The following BANF2 variants were observed in gnomAD, a reference collection of about 807,000 sequenced individuals.
The protein encoded by BANF2 is BANF family member 2, also known as barrier-to-autointegration factor-like protein.
BANF2 carries 4 observed loss-of-function variants against 8.0 expected under a neutral mutation model. The ratio of observed to expected loss-of-function variants is 0.50; its 90% CI spans 0.25 to 1.14. BANF2 has a LOEUF of 1.14. BANF2 is among the 50% of genes most tolerant of loss of function. BANF2 has a pLI of 0.16. For synonymous variants in BANF2, 50 were observed against 40.6 expected (o/e 1.23, Z -0.88); for missense variants, 96 against 107.5 (o/e 0.89, Z 0.47).
chr20:17,711,231 C>T (rs1321437449), intron 1 of BANF2, among the ~76,000 whole-genome samples: 4 of 152,154 alleles, frequency 2.6e-5, no homozygotes, highest in South Asian at 4.2e-4. Context: ...AGTGTGGAGC[C>T]ACTTGCCTGC....
chr20:17,703,665 G>T (rs545122729), intron 1 of BANF2, among the ~76,000 whole-genome samples: 1 of 152,102 alleles, frequency 6.6e-6, no homozygotes, highest in Non-Finnish European at 1.5e-5. Context: ...GGACTTTTGG[G>T]CTCTCCAAGA....
At chr20:17,717,102 A>G (rs1188114787) in intron 1 of BANF2, among the ~76,000 whole-genome samples, 1 of 152,098 alleles carries the variant, frequency 6.6e-6, no homozygotes, top group African/African-American at 2.4e-5. Context: ...GGGTAGAGGT[A>G]CAGGGAGCCA....
chr20:17,714,718 A>G (rs1243125821), intron 1 of BANF2, among the ~76,000 whole-genome samples: 3 of 152,214 alleles, frequency 2.0e-5, no homozygotes, highest in South Asian at 2.1e-4. Flanking sequence ...CCTCTTTTGT[A>G]TATTACAGAA....
upstream of BANF2, among the ~76,000 whole-genome samples, chr20:17,697,419 T>C (rs1184606782): frequency 6.6e-6 from 1 of 152,152 alleles, no homozygotes; most frequent in Admixed American, 6.5e-5. Flanking sequence ...TTCCTAATGA[T>C]ACTCCAAAGG....
chr20:17,706,929 A>T lies in BANF2; in HGVS notation c.-167+6874A>T, dbSNP rs1570153. On this transcript the variant is annotated intron_variant, in intron 1 of 3. Transcript: ENST00000246090. ...AGCAGGATGGAATATACAGATCCAA[A>T]CCTCTAGAGCAGAGCTAGGGCCAGG... Among the ~76,000 whole-genome samples the T allele has an allele frequency of 8.1e-3, 1,239 of 152,284 alleles. 9 individuals are homozygous for T. The highest frequency in any genetic ancestry group is 0.011 in the Non-Finnish European group (724 of 68,016).
intron 1 of BANF2, among the ~76,000 whole-genome samples, 200 bp from the exon 2 acceptor site, chr20:17,722,516 G>A (rs939779299): frequency 7.2e-5 from 11 of 152,200 alleles, no homozygotes; most frequent in Admixed American, 5.9e-4. Context: ...AAATCCATGG[G>A]TGCTGAGGCG....
In BANF2 at chr20:17,735,682, A is replaced by G; in HGVS notation, c.144A>G (p.Gly48=). 2.5e-6 allele frequency: 4 copies of G among 1,613,978 alleles called. No individual in the cohort carries two copies. The highest frequency in any genetic ancestry group is 3.4e-6 in the Non-Finnish European group (4 of 1,179,888). ...KGINKAYILL[G]QFLLMHKNEA... is the part of the protein sequence containing the mutation. ...CTCCCCAGGCCTACATCCTGCTGGG[A>G]CAATTCCTTCTGATGCACAAGAATG... The change falls in exon 4 of 4, where the codon GGA becomes GGG. Residue 48 remains glycine, a synonymous_variant. Coordinates refer to ENST00000246090, the MANE Select transcript of BANF2 (RefSeq NM_178477.5).
chr20:17,729,099 G>T (rs1484377371), intron 3 of BANF2, among the ~76,000 whole-genome samples: 9 of 152,144 alleles, frequency 5.9e-5, no homozygotes. Flanking sequence ...GGACAGCACT[G>T]GTCTAGATGT....
At chr20:17,733,109 A>G (rs2037925583) in intron 3 of BANF2, among the ~76,000 whole-genome samples, 1 of 152,234 alleles carries the variant, frequency 6.6e-6, no homozygotes, top group South Asian at 2.1e-4. Flanking sequence ...AAGTTTGCCC[A>G]GGGTCCACAT....
At chr20:17,719,950 TAGA>T (rs1467499853) in intron 1 of BANF2, among the ~76,000 whole-genome samples, 1 of 152,186 alleles carries the variant, frequency 6.6e-6, no homozygotes, top group Non-Finnish European at 1.5e-5. Context: ...TTTTATCAGA[TAGA>T]AGCAAAGGAC....
intron 1 of BANF2, among the ~76,000 whole-genome samples, chr20:17,715,400 G>A (rs2037637415): frequency 6.6e-6 from 1 of 152,194 alleles, no homozygotes; most frequent in Non-Finnish European, 1.5e-5. Flanking sequence ...GTGAATGTCT[G>A]AGGAACTGTT....
chr20:17,722,647 T>C (rs2037748880), intron 1 of BANF2, 69 bp from the exon 2 acceptor site: 1 of 836,716 alleles, frequency 1.2e-6, no homozygotes, highest in African/African-American at 1.9e-5. Flanking sequence ...CTCACACATC[T>C]GTGGATTTAA....
intron 3 of BANF2, among the ~76,000 whole-genome samples, chr20:17,734,785 C>G (rs569922852): frequency 6.6e-6 from 1 of 152,264 alleles, no homozygotes; most frequent in African/African-American, 2.4e-5. Context: ...TCAATAGTGC[C>G]GAGGTTTAGA....
intron 1 of BANF2, among the ~76,000 whole-genome samples, chr20:17,716,180 T>C (rs2037649502): frequency 6.6e-6 from 1 of 152,212 alleles, no homozygotes; most frequent in Non-Finnish European, 1.5e-5. Flanking sequence ...GTGGAAGCTC[T>C]TGAGGCCATG....
At chr20:17,694,543 G>A (rs2037326027) in intron 1 of BANF2, among the ~76,000 whole-genome samples, 1 of 142,788 alleles carries the variant, frequency 7.0e-6, no homozygotes, top group African/African-American at 2.6e-5. Flanking sequence ...GTGAAACATT[G>A]CATCTAACAT....
At chr20:17,693,911 G>C (rs2037320342) in intron 1 of BANF2, among the ~76,000 whole-genome samples, 1 of 152,212 alleles carries the variant, frequency 6.6e-6, no homozygotes. Flanking sequence ...TGGCTGACTT[G>C]GAGCCTGATG....
rs1332607780 is a variant in BANF2 at position 17,735,756 on chromosome 20, G to C, written c.218G>C (p.Cys73Ser). 1.9e-6 allele frequency: 3 copies of C among 1,613,926 alleles called. No individual in the cohort carries two copies. The highest frequency in any genetic ancestry group is 2.5e-6 in the Non-Finnish European group (3 of 1,179,970). The change falls in exon 4 of 4, where the codon TGT (cysteine) becomes TCT (serine). Residue 73 changes from cysteine to serine, a missense_variant. Coordinates refer to ENST00000246090, the MANE Select transcript of BANF2 (RefSeq NM_178477.5). ...ATTTGCTGTTTTGGTGCCACTGAGT[G>C]TGAGGCCCAGCAGACTTCTCACTGC... ...WLICCFGATE[C>S]EAQQTSHCLK... is the part of the protein sequence containing the mutation.
chr20:17,695,620 G>A (rs2037340995), upstream of BANF2, among the ~76,000 whole-genome samples: 1 of 151,650 alleles, frequency 6.6e-6, no homozygotes, highest in African/African-American at 2.4e-5. Context: ...GTGTGTGTGT[G>A]TATTACACAT....
At chr20:17,700,155 A>G (rs6034885) in intron 1 of BANF2, 100 bp downstream of exon 1, 312,931 of 371,238 alleles carry the variant, frequency 0.84, 133,283 homozygotes, top group East Asian at 0.97. Flanking sequence ...GGTTTAGATG[A>G]GCCAAACCGG....
Sources: gnomAD v4.1 joint callset for allele counts (sites outside exome capture counted in the v4.1 genomes callset) on GRCh38, gnomAD v4.1.1 for gene constraint, MANE v1.5 for transcripts, NCBI Gene and HGNC (gene_info 2026-07-23, HGNC 2026-07-21) for gene names.